Variants in VAV2 observed in about 807,000 individuals in gnomAD.
The protein encoded by VAV2 is guanine nucleotide exchange factor VAV2.
Under a neutral mutation model 132.5 loss-of-function variants are expected in VAV2, and 67 were observed. The ratio of observed to expected loss-of-function variants is 0.51; its 90% CI spans 0.42 to 0.62. The LOEUF (loss-of-function observed/expected upper bound fraction) is 0.62, where lower values mean the gene tolerates loss of function less well. VAV2 is among the 20% of genes least tolerant of loss of function. The probability of loss-of-function intolerance (pLI) is 0.00; values close to 1 mark genes in which losing one functional copy is unlikely to be tolerated. For missense variants in VAV2, 938 were observed against 1,153.6 expected, an observed-to-expected ratio of 0.81 and a Z score of 2.71; for synonymous variants, 492 against 443.5, an observed-to-expected ratio of 1.11 and a Z score of -1.37.
Position 133,992,164 on chromosome 9 carries a change from C to T in VAV2, c.115G>A (p.Asp39Asn). 1 of 1,598,868 alleles carries T rather than the reference C, an allele frequency of 6.3e-7. No individual in the cohort carries two copies. The highest frequency in any genetic ancestry group is 8.5e-7 in the Non-Finnish European group (1 of 1,173,000). ...VVFDLAQALR[D>N]GVLLCQLLHN... ...AGCAGCTGGCACAGAAGGACCCCGT[C>T]GCGCAGCGCCTGCGCCAGGTCGAAG... The change falls in exon 1 of 30, where the codon GAC (aspartate) becomes AAC (asparagine). Residue 39 changes from aspartate (D) to asparagine (N), a missense_variant. By Grantham distance (23) the Asp-to-Asn change is conservative. Transcript: ENST00000371850. This position sits in a 1 kb window ranked among gnomAD's most constrained non-coding sequence, Gnocchi z 5.5.
At chr9:133,792,858 T>C (rs1236696639) in intron 12 of VAV2, among the ~76,000 whole-genome samples, 1 of 151,952 alleles carries the variant, frequency 6.6e-6, no homozygotes, top group Non-Finnish European at 1.5e-5. Context: ...ACCTCGTCAG[T>C]GATGATGCCA....
intron 2 of VAV2, among the ~76,000 whole-genome samples, chr9:133,874,703 C>A (rs1465152224): frequency 1.3e-5 from 2 of 152,168 alleles, no homozygotes; most frequent in Non-Finnish European, 2.9e-5. Context: ...GAACCTCCTG[C>A]GCTGCTTCTT....
At chr9:133,888,738 C>A (rs146760310) in intron 2 of VAV2, among the ~76,000 whole-genome samples, 1 of 152,320 alleles carries the variant, frequency 6.6e-6, no homozygotes, top group African/African-American at 2.4e-5. Context: ...GAGCCTGAGC[C>A]GACTGATCTG....
At chr9:133,811,110 G>C (rs1329883101) in intron 5 of VAV2, among the ~76,000 whole-genome samples, 3 of 152,214 alleles carry the variant, frequency 2.0e-5, no homozygotes, top group Non-Finnish European at 2.9e-5. Flanking sequence ...AGGCCCTGCT[G>C]CCTCCACAAA....
intron 2 of VAV2, among the ~76,000 whole-genome samples, chr9:133,886,550 G>A (rs758203374): frequency 1.1e-4 from 16 of 152,140 alleles, no homozygotes; most frequent in Admixed American, 2.0e-4. Flanking sequence ...GCCCCGTGTC[G>A]GAGTCAGTGA....
At chr9:133,909,256 G>A (rs564023819) in intron 2 of VAV2, among the ~76,000 whole-genome samples, 18 of 152,146 alleles carry the variant, frequency 1.2e-4, no homozygotes, top group African/African-American at 4.3e-4. Flanking sequence ...CTCCTCAGAA[G>A]GGGGGTGAAG....
At chr9:133,819,309 C>T (rs548804820) in intron 4 of VAV2, among the ~76,000 whole-genome samples, 85 of 151,738 alleles carry the variant, frequency 5.6e-4, no homozygotes, top group Admixed American at 1.6e-3. Flanking sequence ...ATTAGCCGGG[C>T]GTGGTGGCGG....
At chr9:133,965,079 C>A (rs1490746125) in intron 1 of VAV2, among the ~76,000 whole-genome samples, 1 of 151,948 alleles carries the variant, frequency 6.6e-6, no homozygotes, top group African/African-American at 2.4e-5. Context: ...CCTAAAAGCT[C>A]CACCAAAAAA....
chr9:133,975,854 G>A (rs767644929), intron 1 of VAV2, among the ~76,000 whole-genome samples: 6 of 152,040 alleles, frequency 3.9e-5, no homozygotes, highest in South Asian at 2.1e-4. Flanking sequence ...GAAGGCAGAC[G>A]GGTCTCCTCC....
chr9:133,847,675 C>T (rs1326869848), intron 3 of VAV2, among the ~76,000 whole-genome samples: 1 of 152,176 alleles, frequency 6.6e-6, no homozygotes, highest in Non-Finnish European at 1.5e-5. Context: ...CGCTGCCCAA[C>T]GGGTTGGCCC....
chr9:133,797,144 C>G (rs1216916569), intron 10 of VAV2, among the ~76,000 whole-genome samples: 3 of 152,168 alleles, frequency 2.0e-5, no homozygotes, highest in African/African-American at 7.2e-5. Context: ...CAGCTGGGAA[C>G]AGGAGGGGCT....
intron 1 of VAV2, among the ~76,000 whole-genome samples, chr9:133,979,265 C>G (rs1282524704): frequency 2.0e-5 from 3 of 152,178 alleles, no homozygotes; most frequent in East Asian, 1.9e-4. Flanking sequence ...TAAAATACCC[C>G]CTTTGACAGC....
At chr9:133,898,364 G>A (rs547307802) in intron 2 of VAV2, among the ~76,000 whole-genome samples, 229 of 152,106 alleles carry the variant, frequency 1.5e-3, no homozygotes, top group African/African-American at 5.2e-3. Flanking sequence ...TGAGGTGGGC[G>A]GATCACCTGA....
In VAV2 at chr9:133,809,021, G is replaced by A; in HGVS notation, c.666+19C>T. On this transcript the variant is annotated intron_variant, in intron 7 of 29. Transcript: ENST00000371850. ...ACAGTGGCCGCTGCCATTTTCCAGT[G>A]GCCGCCATCTGCCCTCACCTTCTCA... is the stretch of plus-strand genomic sequence containing the variant. The A allele has an allele frequency of 1.2e-6, 2 of 1,609,264 alleles. No homozygotes were observed. The highest frequency in any genetic ancestry group is 1.3e-5 in the African/African-American group (1 of 74,964).
chr9:133,830,913 G>A (rs1414289974), intron 4 of VAV2, among the ~76,000 whole-genome samples: 1 of 152,168 alleles, frequency 6.6e-6, no homozygotes, highest in Non-Finnish European at 1.5e-5. Context: ...GCAAGTTAAA[G>A]ATTCAAATGC....
Position 133,926,780 on chromosome 9 carries a change from C to T in VAV2, c.321+12323G>A, listed in dbSNP as rs935441722. On this transcript the variant is annotated intron_variant, in intron 2 of 29. Coordinates refer to ENST00000371850, the MANE Select transcript of VAV2 (RefSeq NM_001134398.2). This position sits in a 1 kb window ranked among gnomAD's most constrained non-coding sequence, Gnocchi z 4.3. ...CTGCACAGTAGGCAGTGGCCCCTGG[C>T]TCCCTGTCTTCCCAGGCTCCGATCA... Among the ~76,000 whole-genome samples the T allele has an allele frequency of 5.9e-5, 9 of 152,188 alleles. No individual in the cohort carries two copies. The highest frequency in any genetic ancestry group is 1.9e-4 in the African/African-American group (8 of 41,448).
intron 2 of VAV2, among the ~76,000 whole-genome samples, chr9:133,870,828 G>C (rs1039797216): frequency 2.1e-5 from 3 of 144,406 alleles, no homozygotes; most frequent in Admixed American, 2.1e-4. Context: ...TGGATAGATT[G>C]ATGAGTGGAT....
At chr9:133,815,510 A>G (rs929342869) in intron 4 of VAV2, among the ~76,000 whole-genome samples, 3 of 151,998 alleles carry the variant, frequency 2.0e-5, no homozygotes, top group Admixed American at 1.3e-4. Flanking sequence ...TTCACCACAG[A>G]CGAGCCTTGT....
intron 2 of VAV2, among the ~76,000 whole-genome samples, chr9:133,875,958 G>A (rs545193984): frequency 3.3e-5 from 5 of 152,210 alleles, no homozygotes; most frequent in South Asian, 2.1e-4. Flanking sequence ...GATGGCAGAC[G>A]AAGGCCTTAT....
Sources: allele counts gnomAD v4.1 joint callset (sites outside exome capture counted in the v4.1 genomes callset), GRCh38; gene constraint gnomAD v4.1.1; non-coding constraint Gnocchi (gnomAD v3.1); transcripts MANE v1.5; gene names NCBI Gene and HGNC (gene_info 2026-07-23, HGNC 2026-07-21).